Variants in NMRK2 observed in about 807,000 individuals in gnomAD.
NMRK2 encodes the protein NRK 2.
In NMRK2, 34 loss-of-function variants were observed where a neutral mutation model predicts 24.7. The observed-to-expected ratio is 1.37, with a 90% CI of 1.05 to 1.83. NMRK2 has a LOEUF of 1.83. Among genes scored for constraint, NMRK2 ranks in the 40% most tolerant of loss-of-function variants. The probability of loss-of-function intolerance (pLI) is 0.00; values close to 1 mark genes in which losing one functional copy is unlikely to be tolerated. For synonymous variants in NMRK2, 145 were observed against 125.6 expected, an observed-to-expected ratio of 1.15 and a Z score of -1.03; for missense variants, 341 against 315.0, an observed-to-expected ratio of 1.08 and a Z score of -0.62.
rs144718564 is a variant in NMRK2, at chr19:3,938,694, C to G, written c.258C>G (p.Ser86Arg). ...PQKFARAHGV[S>R]VQPEASDTHI... ...AGTTTGCCCGTGCCCACGGGGTCAGCGTCCAGCCAGAGGCCTCGGACACCC... is the reference window on the plus strand; with the variant it reads ...AGTTTGCCCGTGCCCACGGGGTCAGGGTCCAGCCAGAGGCCTCGGACACCC... Residue 86 changes from serine to arginine, a missense_variant, in exon 5 of 8, where the codon AGC (serine) becomes AGG (arginine). Physicochemically the swap from Ser to Arg is moderately radical, Grantham distance 110. Coordinates refer to ENST00000168977, the MANE Select transcript of NMRK2 (RefSeq NM_170678.3). The G allele has an allele frequency of 4.3e-6, 7 of 1,612,498 alleles. No homozygotes were observed. The highest frequency in any genetic ancestry group is 5.9e-6 in the Non-Finnish European group (7 of 1,179,306).
chr19:3,942,021 C>T lies in NMRK2; in HGVS notation c.503-62C>T, dbSNP rs530763217. 32 of 1,399,796 alleles carry T rather than the reference C, an allele frequency of 2.3e-5. No individual in the cohort carries two copies. The East Asian group carries it at 4.6e-4, about 20-fold the overall frequency. The allele number at this position is 1,399,796 out of a possible 1,614,324, so 86.7% of individuals were successfully genotyped here. A position where few individuals can be genotyped will look rare whatever the true frequency, so the allele number is the denominator to read the frequency against. On this transcript the variant is annotated intron_variant, in intron 7 of 7. Transcript: ENST00000168977. ...CTTGCTCCTGACCCAGCCGTCCACTCGTCCCCCCGTGCTCTGGCCCCCTTC... is the reference window on the plus strand; with the variant it reads ...CTTGCTCCTGACCCAGCCGTCCACTTGTCCCCCCGTGCTCTGGCCCCCTTC...
At chr19:3,941,839 C>T (rs773271652) in intron 7 of NMRK2, among the ~76,000 whole-genome samples, 4 of 152,074 alleles carry the variant, frequency 2.6e-5, no homozygotes, top group Non-Finnish European at 4.4e-5. Context: ...GATGGGGTTT[C>T]ACCCTGTTGG....
Position 3,942,122 on chromosome 19 carries a change from G to T in NMRK2, c.542G>T (p.Arg181Leu). 6.2e-7 allele frequency: 1 copy of T among 1,613,274 alleles called. No homozygotes were observed. The stretch of plus-strand genomic sequence containing the variant: ...ATGAAGTCCCGAGAGGAGCTCTTCC[G>T]TGAAGTCCTGGAAGACATTCAGAAC... Reference protein sequence around the residue: ...DGMKSREELFREVLEDIQNSL... With the variant: ...DGMKSREELFLEVLEDIQNSL... The change falls in exon 8 of 8, where the codon CGT becomes CTT. Residue 181 changes from arginine to leucine, a missense_variant. Coordinates refer to ENST00000168977, the MANE Select transcript of NMRK2 (RefSeq NM_170678.3).
At chr19:3,938,284 T>C (rs1351804155) in intron 4 of NMRK2, among the ~76,000 whole-genome samples, 1 of 104,186 alleles carries the variant, frequency 9.6e-6, no homozygotes, top group African/African-American at 3.7e-5. Context: ...CCCTCCACTA[T>C]ACCCCGGGGT....
chr19:3,941,840 A>C (rs1177966433), intron 7 of NMRK2, among the ~76,000 whole-genome samples: 1 of 151,538 alleles, frequency 6.6e-6, no homozygotes, highest in Non-Finnish European at 1.5e-5. Context: ...ATGGGGTTTC[A>C]CCCTGTTGGC....
rs1245228209 is a variant in NMRK2, at chr19:3,941,150, G to A, written c.475G>A (p.Glu159Lys). 3 of 1,478,892 alleles carry A rather than the reference G, an allele frequency of 2.0e-6. No individual in the cohort carries two copies. The highest frequency in any genetic ancestry group is 1.4e-5 in the African/African-American group (1 of 70,102). The allele number at this position is 1,478,892 out of a possible 1,614,324, so 91.6% of individuals were successfully genotyped here. A position where few individuals can be genotyped will look rare whatever the true frequency, so the allele number is the denominator to read the frequency against. ...GCCCATGTACCAGAAGTATAGGCAGGAGATGGAGGCCAACGGTGTGGAAGT... is the reference window on the plus strand; with the variant it reads ...GCCCATGTACCAGAAGTATAGGCAGAAGATGGAGGCCAACGGTGTGGAAGT... Reference protein sequence around the residue: ...VWPMYQKYRQEMEANGVEVVY... With the variant: ...VWPMYQKYRQKMEANGVEVVY... The change falls in exon 7 of 8, where the codon GAG (glutamate) becomes AAG (lysine). Residue 159 changes from glutamate to lysine, a missense_variant. Physicochemically the swap from Glu to Lys is moderately conservative, Grantham distance 56 (BLOSUM62 1). Transcript: ENST00000168977.
Position 3,942,107 on chromosome 19 carries a change from G to C in NMRK2, c.527G>C (p.Arg176Pro), listed in dbSNP as rs200114937. ...EVVYLDGMKS[R>P]EELFREVLED... ...GTCTACCTGGACGGCATGAAGTCCC[G>C]AGAGGAGCTCTTCCGTGAAGTCCTG... The change falls in exon 8 of 8, where the codon CGA (arginine) becomes CCA (proline). Residue 176 changes from arginine to proline, a missense_variant. By Grantham distance (103) the Arg-to-Pro change is moderately radical. Transcript: ENST00000168977. 6 of 1,613,242 alleles carry C rather than the reference G, an allele frequency of 3.7e-6. No individual in the cohort carries two copies. The highest frequency in any genetic ancestry group is 5.1e-6 in the Non-Finnish European group (6 of 1,179,986).
chr19:3,933,938 C>CAA (rs760588935), intron 2 of NMRK2, among the ~76,000 whole-genome samples: 2 of 135,024 alleles, frequency 1.5e-5, no homozygotes, highest in African/African-American at 5.0e-5. Flanking sequence ...CGCCACCTTC[C>CAA]AATTATACTC....
chr19:3,934,809 C>T (rs1460917523), intron 2 of NMRK2, among the ~76,000 whole-genome samples: 4 of 152,096 alleles, frequency 2.6e-5, no homozygotes, highest in Non-Finnish European at 5.9e-5. Flanking sequence ...TCTCGAACTC[C>T]TGACCTCAAG....
intron 6 of NMRK2, 56 bp downstream of exon 6, chr19:3,940,027 T>G: frequency 6.7e-7 from 1 of 1,500,330 alleles, no homozygotes; most frequent in South Asian, 1.1e-5. Flanking sequence ...CTTGAATTAC[T>G]GGGTGGAACC....
At chr19:3,940,335 CAAAAAAAAAAA>C (rs978999079) in intron 6 of NMRK2, among the ~76,000 whole-genome samples, 36 of 31,010 alleles carry the variant, frequency 1.2e-3, no homozygotes, top group African/African-American at 3.6e-3. Flanking sequence ...GACTCTGTCT[CAAAAAAAAAAA>C]AAAAAAAAAA....
At chr19:3,935,985 C>T (rs1026166941) in intron 2 of NMRK2, among the ~76,000 whole-genome samples, 12 of 152,022 alleles carry the variant, frequency 7.9e-5, no homozygotes, top group Non-Finnish European at 1.2e-4. Flanking sequence ...CCAAGGCAGG[C>T]GGATCACCAG....
At chr19:3,934,476 C>T (rs1371644310) in intron 2 of NMRK2, among the ~76,000 whole-genome samples, 3 of 152,112 alleles carry the variant, frequency 2.0e-5, no homozygotes, top group Admixed American at 6.6e-5. Context: ...GGCTCACACC[C>T]CCGCCTCAGA....
At position 3,942,326 on chromosome 19, in the gene NMRK2, G is replaced by A; in HGVS notation, c.*53G>A. ...TAGGAGAGTGGAGGCCCCACTCCCA[G>A]TTGGGCGTCCCGGAGCTCAGGGACT... On this transcript the variant is annotated 3_prime_UTR_variant, in exon 8 of 8. Coordinates refer to ENST00000168977, the MANE Select transcript of NMRK2 (RefSeq NM_170678.3). 6.6e-7 allele frequency: 1 copy of A among 1,510,524 alleles called. No homozygotes were observed. The highest frequency in any genetic ancestry group is 8.9e-7 in the Non-Finnish European group (1 of 1,119,046). 93.6% of individuals were successfully genotyped at this position (1,510,524 alleles called of 1,614,324 possible).
chr19:3,933,824 A>G, intron 2 of NMRK2, 127 bp downstream of exon 2: 1 of 947,204 alleles, frequency 1.1e-6, no homozygotes, highest in Non-Finnish European at 1.4e-6. Flanking sequence ...GCCCGAGGTC[A>G]GAGTGCAGGG....
chr19:3,936,004 A>G (rs987851249), intron 2 of NMRK2, among the ~76,000 whole-genome samples: 16 of 152,126 alleles, frequency 1.1e-4, no homozygotes, highest in Non-Finnish European at 1.5e-4. Flanking sequence ...AGAGGTTAGG[A>G]GTTCGAGACC....
At chr19:3,938,901 T>C in intron 5 of NMRK2, 142 bp downstream of exon 5, 1 of 656,264 alleles carries the variant, frequency 1.5e-6, no homozygotes, top group Non-Finnish European at 2.3e-6. Context: ...CAGGCTGGAG[T>C]GCAGTGGTGA....
intron 7 of NMRK2, 72 bp downstream of exon 7, chr19:3,941,249 CTTTTTTT>C: frequency 3.6e-6 from 1 of 275,280 alleles, no homozygotes; most frequent in African/African-American, 2.7e-5. Context: ...CCCTCTCCAT[CTTTTTTT>C]TTTTTTTTTT....
At chr19:3,935,941 G>A (rs554812906) in intron 2 of NMRK2, among the ~76,000 whole-genome samples, 1 of 151,988 alleles carries the variant, frequency 6.6e-6, no homozygotes, top group South Asian at 2.1e-4. Flanking sequence ...TAGGTGGGCC[G>A]GGCTCACACC....
Sources: gnomAD v4.1 joint callset for allele counts (sites outside exome capture counted in the v4.1 genomes callset) on GRCh38, gnomAD v4.1.1 for gene constraint, MANE v1.5 for transcripts, NCBI Gene and HGNC (gene_info 2026-07-23, HGNC 2026-07-21) for gene names.